DNAAF9: variants seen among roughly 807,000 people sequenced by gnomAD.
The protein encoded by DNAAF9 is dynein axonemal assembly factor 9.
In DNAAF9, 90 loss-of-function variants were observed where a neutral mutation model predicts 167.0. The ratio of observed to expected loss-of-function variants is 0.54; its 90% CI spans 0.45 to 0.64. The LOEUF (loss-of-function observed/expected upper bound fraction) is 0.64, where lower values mean the gene tolerates loss of function less well. DNAAF9 is among the 30% of genes least tolerant of loss of function. The pLI is 0.00. For synonymous variants in DNAAF9, 491 were observed against 508.8 expected, an observed-to-expected ratio of 0.96 and a Z score of 0.47; for missense variants, 1,315 against 1,442.2, an observed-to-expected ratio of 0.91 and a Z score of 1.43.
intron 20 of DNAAF9, among the ~76,000 whole-genome samples, chr20:3,305,105 G>A (rs1217650588): frequency 6.6e-5 from 10 of 152,188 alleles, no homozygotes; most frequent in Non-Finnish European, 1.3e-4. Flanking sequence ...AGCAAGATGG[G>A]TGACAGGTGG....
At chr20:3,318,551 C>T (rs2069551348) in intron 16 of DNAAF9, 151 bp from the exon 17 acceptor site, 2 of 556,434 alleles carry the variant, frequency 3.6e-6, no homozygotes, top group South Asian at 2.4e-5. Context: ...CTAAATACAT[C>T]TTTGAACTGG....
chr20:3,346,428 T>G (rs968370487), intron 8 of DNAAF9, among the ~76,000 whole-genome samples: 3 of 152,092 alleles, frequency 2.0e-5, no homozygotes, highest in Non-Finnish European at 2.9e-5. Context: ...CAAGAGGGGC[T>G]GAATAAATTA....
chr20:3,397,845 T>C (rs530468235), intron 1 of DNAAF9, among the ~76,000 whole-genome samples: 1 of 152,340 alleles, frequency 6.6e-6, no homozygotes, highest in East Asian at 1.9e-4. Flanking sequence ...ACCATGCTTC[T>C]AGATTCAATA....
intron 33 of DNAAF9, among the ~76,000 whole-genome samples, chr20:3,258,692 C>T (rs898375763): frequency 5.9e-5 from 9 of 152,060 alleles, no homozygotes; most frequent in African/African-American, 1.7e-4. Flanking sequence ...GGGGAGGACA[C>T]GAAGACATAC....
At chr20:3,273,205 C>A (rs2068623718) in intron 29 of DNAAF9, among the ~76,000 whole-genome samples, 2 of 152,204 alleles carry the variant, frequency 1.3e-5, no homozygotes, top group Non-Finnish European at 1.5e-5. Flanking sequence ...CCTAAGTGAC[C>A]TTGTAACTGC....
chr20:3,302,141 A>G (rs554866162), intron 21 of DNAAF9, among the ~76,000 whole-genome samples: 4 of 151,542 alleles, frequency 2.6e-5, no homozygotes, highest in Non-Finnish European at 1.5e-5. Context: ...GTTTCACCAT[A>G]TTGGCCAGGC....
chr20:3,296,155 T>C (rs2069073411), intron 23 of DNAAF9: 2 of 606,624 alleles, frequency 3.3e-6, no homozygotes, highest in African/African-American at 1.8e-5. Flanking sequence ...CTGCAACCTC[T>C]GTAGTCCCAC....
At chr20:3,279,258 A>G (rs2068726664) in intron 28 of DNAAF9, among the ~76,000 whole-genome samples, 1 of 152,276 alleles carries the variant, frequency 6.6e-6, no homozygotes, top group South Asian at 2.1e-4. Context: ...TTTTTGAAAG[A>G]CATATGTTTT....
At chr20:3,361,178 G>A (rs1372698037) in intron 6 of DNAAF9, among the ~76,000 whole-genome samples, 1 of 152,126 alleles carries the variant, frequency 6.6e-6, no homozygotes, top group Non-Finnish European at 1.5e-5. Flanking sequence ...ATCTTGAGGA[G>A]GGAATAAAAA....
intron 12 of DNAAF9, among the ~76,000 whole-genome samples, chr20:3,329,481 T>G (rs1436249728): frequency 1.3e-5 from 2 of 152,222 alleles, no homozygotes; most frequent in Non-Finnish European, 2.9e-5. Flanking sequence ...ATTAAGATAC[T>G]AATGGGTAGT....
intron 8 of DNAAF9, among the ~76,000 whole-genome samples, chr20:3,346,064 G>A (rs1364822009): frequency 6.6e-6 from 1 of 152,108 alleles, no homozygotes; most frequent in African/African-American, 2.4e-5. Flanking sequence ...ACATATGAGG[G>A]AATGTTCAAA....
At chr20:3,337,991 C>T (rs200899080) in intron 10 of DNAAF9, among the ~76,000 whole-genome samples, 30 of 10,804 alleles carry the variant, frequency 2.8e-3, no homozygotes, top group African/African-American at 4.9e-3. Context: ...ATATATAATA[C>T]ATAACATATA....
intron 7 of DNAAF9, among the ~76,000 whole-genome samples, chr20:3,352,347 T>C (rs1001534445): frequency 6.6e-6 from 1 of 152,148 alleles, no homozygotes; most frequent in Admixed American, 6.5e-5. Flanking sequence ...TCAGTGCCCC[T>C]GTATCCTGGG....
chr20:3,273,740 G>A (rs1351453804), intron 29 of DNAAF9, among the ~76,000 whole-genome samples: 1 of 152,110 alleles, frequency 6.6e-6, no homozygotes, highest in Non-Finnish European at 1.5e-5. Context: ...ATTTGGAGGG[G>A]ACAAACATCT....
chr20:3,293,019 G>A (rs1238889042), intron 25 of DNAAF9, among the ~76,000 whole-genome samples: 1 of 151,848 alleles, frequency 6.6e-6, no homozygotes. Flanking sequence ...CCAGGAGGCG[G>A]AGGTTGCAGT....
At chr20:3,384,778 G>C (rs918987116) in intron 1 of DNAAF9, among the ~76,000 whole-genome samples, 1 of 152,060 alleles carries the variant, frequency 6.6e-6, no homozygotes, top group Non-Finnish European at 1.5e-5. Context: ...ATTTATCACA[G>C]AGATACTCGA....
chr20:3,389,535 G>C lies in DNAAF9; in HGVS notation c.84-7029C>G, dbSNP rs185643425. On this transcript the variant is annotated intron_variant, in intron 1 of 36. Transcript: ENST00000252032. ...TAATTCCAACACTTTGGGAGGCTGAGGTGGGAGGATCAACTGAGGTCAGGA... is the reference window on the plus strand; with the variant it reads ...TAATTCCAACACTTTGGGAGGCTGACGTGGGAGGATCAACTGAGGTCAGGA... Among the ~76,000 whole-genome samples, 821 of 152,040 alleles carry C rather than the reference G, an allele frequency of 5.4e-3. 2 individuals are homozygous for C. The highest frequency in any genetic ancestry group is 6.8e-3 in the Middle Eastern group (2 of 294).
chr20:3,259,975 C>T lies in DNAAF9; in HGVS notation c.2927G>A (p.Cys976Tyr). The T allele has an allele frequency of 1.2e-6, 2 of 1,613,290 alleles. No individual in the cohort carries two copies. Among genetic ancestry groups the T allele is most frequent in the Non-Finnish European group, 1.7e-6 (2 of 1,179,160 alleles). ...CTCCAAGGGACGGCCAAACCATACG[C>T]AGATCTGAACCATTAGGGGATAGAC... is the stretch of plus-strand genomic sequence containing the variant. ...GSVYPLMVQI[C>Y]VWFGRPLEKT... is the part of the protein sequence containing the mutation. Residue 976 changes from cysteine (C) to tyrosine (Y), a missense_variant, in exon 32 of 37, where the codon TGC (cysteine) becomes TAC (tyrosine). Cys to Tyr is a radical substitution (Grantham distance 194). Transcript: ENST00000252032.
chr20:3,310,742 G>A (rs936884994), intron 20 of DNAAF9, among the ~76,000 whole-genome samples: 1 of 151,554 alleles, frequency 6.6e-6, no homozygotes, highest in Non-Finnish European at 1.5e-5. Flanking sequence ...AAAGAAACAT[G>A]AGCAAAAAAC....
Sources: gnomAD v4.1 joint callset for allele counts (sites outside exome capture counted in the v4.1 genomes callset) on GRCh38, gnomAD v4.1.1 for gene constraint, MANE v1.5 for transcripts, NCBI Gene and HGNC (gene_info 2026-07-23, HGNC 2026-07-21) for gene names.